Variants in CFAP20DC observed in about 807,000 individuals in gnomAD.
The protein encoded by CFAP20DC is protein CFAP20DC.
Under a neutral mutation model 101.7 loss-of-function variants are expected in CFAP20DC, and 84 were observed. That is an observed-to-expected ratio of 0.83 (90% CI 0.69 to 0.99). The LOEUF is 0.99. Among genes scored for constraint, CFAP20DC ranks in the 50% least tolerant of loss-of-function variants. CFAP20DC has a pLI of 0.00. For missense variants in CFAP20DC, 1,007 were observed against 970.3 expected, an observed-to-expected ratio of 1.04 and a Z score of -0.50; for synonymous variants, 359 against 351.2, an observed-to-expected ratio of 1.02 and a Z score of -0.25.
chr3:58,767,391 C>T (rs528628294), intron 15 of CFAP20DC, among the ~76,000 whole-genome samples: 5 of 152,246 alleles, frequency 3.3e-5, no homozygotes, highest in African/African-American at 1.2e-4. Context: ...TATTCAGAAA[C>T]ATATTTACTA....
chr3:58,820,353 G>T (rs2107903827), intron 14 of CFAP20DC, among the ~76,000 whole-genome samples: 1 of 150,192 alleles, frequency 6.7e-6, no homozygotes, highest in Middle Eastern at 3.4e-3. Flanking sequence ...AAGTCAAATT[G>T]TCCCTGTTTG....
chr3:58,756,298 G>T (rs897177035), intron 15 of CFAP20DC, among the ~76,000 whole-genome samples: 1 of 152,006 alleles, frequency 6.6e-6, no homozygotes, highest in African/African-American at 2.4e-5. Flanking sequence ...GGAAGTTACC[G>T]AAAGTAGCTT....
chr3:58,745,022 T>C (rs1408534541), intron 16 of CFAP20DC, among the ~76,000 whole-genome samples: 2 of 152,108 alleles, frequency 1.3e-5, no homozygotes, highest in Non-Finnish European at 2.9e-5. Context: ...TTAATAATGG[T>C]AGCTGACCTG....
At chr3:58,761,328 T>C (rs13080083) in intron 15 of CFAP20DC, among the ~76,000 whole-genome samples, 11 of 152,184 alleles carry the variant, frequency 7.2e-5, no homozygotes, top group Non-Finnish European at 1.5e-4. Context: ...TGTGTAGAGG[T>C]GTTTATAGTA....
In CFAP20DC at chr3:59,007,289, T is replaced by C. The variant is rs1380402407; in HGVS notation, c.278+32268A>G. 1.3e-5 allele frequency among the ~76,000 whole-genome samples: 2 copies of C among 152,122 alleles called. No individual in the cohort carries two copies. The highest frequency in any genetic ancestry group is 1.9e-4 in the East Asian group (1 of 5,176). ...AGCTGAACACAAAAGACATAAACTCTTGGGAGCTTTGTGGCTCTGCCCATC... is the reference window on the plus strand; with the variant it reads ...AGCTGAACACAAAAGACATAAACTCCTGGGAGCTTTGTGGCTCTGCCCATC... On this transcript the variant is annotated intron_variant, in intron 4 of 16. Transcript: ENST00000482387. This position sits in a 1 kb window ranked among gnomAD's most constrained non-coding sequence, Gnocchi z 4.4.
intron 4 of CFAP20DC, among the ~76,000 whole-genome samples, chr3:58,958,881 T>G (rs1576486280): frequency 6.6e-6 from 1 of 152,320 alleles, no homozygotes; most frequent in South Asian, 2.1e-4. Flanking sequence ...TACATATGAT[T>G]TGCAAATATT....
At chr3:58,762,192 A>C (rs867622878) in intron 15 of CFAP20DC, among the ~76,000 whole-genome samples, 89 of 152,176 alleles carry the variant, frequency 5.8e-4, no homozygotes, top group African/African-American at 1.8e-3. Flanking sequence ...GTAGGTCTCT[A>C]AGGACTTGCT....
At chr3:58,775,370 A>G (rs988479894) in intron 15 of CFAP20DC, among the ~76,000 whole-genome samples, 1 of 152,128 alleles carries the variant, frequency 6.6e-6, no homozygotes, top group African/African-American at 2.4e-5. Flanking sequence ...GTGCCCTGAG[A>G]AGTTTTCAGC....
chr3:58,771,588 A>G (rs541275825), intron 15 of CFAP20DC, among the ~76,000 whole-genome samples: 3 of 152,286 alleles, frequency 2.0e-5, no homozygotes, highest in African/African-American at 7.2e-5. Context: ...AGTAGATGCA[A>G]GAAGAGCTCT....
At position 59,019,798 on chromosome 3, in the gene CFAP20DC, G is replaced by C. The variant is rs2093766163; in HGVS notation, c.278+19759C>G. ...AGGGATTCTTGATTCTCAAAGGGTA[G>C]TTTGGGGATAGCTAAGGGTCTGCAA... is the stretch of plus-strand genomic sequence containing the variant. On this transcript the variant is annotated intron_variant, in intron 4 of 16. Coordinates refer to ENST00000482387, the MANE Select transcript of CFAP20DC (RefSeq NM_001394063.1). Among the ~76,000 whole-genome samples, 3 of 152,238 alleles carry C rather than the reference G, an allele frequency of 2.0e-5. No individual in the cohort carries two copies. In the South Asian group the frequency reaches 6.2e-4, roughly 32 times the overall value.
chr3:58,978,717 A>C (rs1383166788), intron 4 of CFAP20DC, among the ~76,000 whole-genome samples: 1 of 109,186 alleles, frequency 9.2e-6, no homozygotes, highest in Non-Finnish European at 1.8e-5. Context: ...CCCTGTCTGC[A>C]AAAAAAAAAA....
intron 16 of CFAP20DC, among the ~76,000 whole-genome samples, chr3:58,746,694 G>C (rs1262481039): frequency 6.6e-6 from 1 of 152,012 alleles, no homozygotes; most frequent in East Asian, 1.9e-4. Flanking sequence ...GACTAAGATA[G>C]GTTTTTTGGT....
Position 58,899,699 on chromosome 3 carries a change from T to C in CFAP20DC, c.550+14009A>G, listed in dbSNP as rs2082979726. 6.6e-6 allele frequency among the ~76,000 whole-genome samples: 1 copy of C among 152,150 alleles called. No homozygotes were observed. The highest frequency in any genetic ancestry group is 1.5e-5 in the Non-Finnish European group (1 of 68,018). On this transcript the variant is annotated intron_variant, in intron 6 of 16. Coordinates refer to ENST00000482387, the MANE Select transcript of CFAP20DC (RefSeq NM_001394063.1). The surrounding 1 kb of genome is among the most constrained non-coding windows in gnomAD (Gnocchi z 5.0). ...TTCCTGGGCAGGACTGCACAATCAC[T>C]CACCGCTTCCCTTGGCTGGGGTGGG...
intron 5 of CFAP20DC, among the ~76,000 whole-genome samples, chr3:58,917,559 A>T (rs1047131252): frequency 2.0e-5 from 3 of 152,142 alleles, no homozygotes; most frequent in Non-Finnish European, 4.4e-5. Flanking sequence ...TTAGAACCTC[A>T]TTCTGTTTTC....
In CFAP20DC at chr3:58,874,755, CT is replaced by C. The variant is rs1204118266; in HGVS notation, c.716-4447del. 1.3e-5 allele frequency among the ~76,000 whole-genome samples: 2 copies of C among 152,142 alleles called. No homozygotes were observed. The highest frequency in any genetic ancestry group is 1.3e-4 in the Admixed American group (2 of 15,278). On this transcript the variant is annotated intron_variant, in intron 7 of 16. Transcript: ENST00000482387. The surrounding 1 kb of genome is among the most constrained non-coding windows in gnomAD (Gnocchi z 5.1). The stretch of plus-strand genomic sequence containing the variant: ...CTTCCATAAATTTTCCCTCATAGAA[CT>C]TGTCAGAATTGAACTTTTACACATG...
intron 7 of CFAP20DC, among the ~76,000 whole-genome samples, 164 bp downstream of exon 7, chr3:58,884,381 A>G (rs1013778269): frequency 6.6e-6 from 1 of 152,216 alleles, no homozygotes; most frequent in African/African-American, 2.4e-5. Flanking sequence ...TGGCCTTGTT[A>G]GTAATCTGAG....
intron 13 of CFAP20DC, among the ~76,000 whole-genome samples, chr3:58,834,370 A>G (rs2076597045): frequency 6.6e-6 from 1 of 152,188 alleles, no homozygotes; most frequent in South Asian, 2.1e-4. Flanking sequence ...TAGTTGGCTC[A>G]TCATTGCCAA....
chr3:58,862,574 C>G, intron 12 of CFAP20DC: 4 of 985,420 alleles, frequency 4.1e-6, no homozygotes, highest in Non-Finnish European at 3.6e-6. Context: ...CCCAGAATTA[C>G]TGCTTAAACA....
At chr3:58,807,210 C>T (rs546877395) in intron 14 of CFAP20DC, among the ~76,000 whole-genome samples, 6 of 152,308 alleles carry the variant, frequency 3.9e-5, no homozygotes, top group African/African-American at 1.2e-4. Flanking sequence ...TTGAAGAGAG[C>T]AGTGGTTCTC....
Sources: gnomAD v4.1 joint callset for allele counts (sites outside exome capture counted in the v4.1 genomes callset) on GRCh38, gnomAD v4.1.1 for gene constraint, Gnocchi (gnomAD v3.1) non-coding constraint, MANE v1.5 for transcripts, NCBI Gene and HGNC (gene_info 2026-07-23, HGNC 2026-07-21) for gene names.